Variants in ODF2 observed in about 807,000 individuals in gnomAD.
ODF2 encodes outer dense fiber protein 2.
ODF2 carries 47 observed loss-of-function variants against 110.2 expected under a neutral mutation model. The ratio of observed to expected loss-of-function variants is 0.43; its 90% CI spans 0.34 to 0.54. ODF2 has a LOEUF of 0.54. Among genes scored for constraint, ODF2 ranks in the 20% least tolerant of loss-of-function variants. ODF2 has a pLI of 0.03. For missense variants in ODF2, 812 were observed against 1,054.5 expected (o/e 0.77, Z 3.19); for synonymous variants, 352 against 397.7 (o/e 0.89, Z 1.37).
Position 128,485,560 on chromosome 9 carries a change from C to A in ODF2, c.1400+86C>A. ...GAGGGGCCTAGTGGCTCAGGGAAGGCCACGTGGCTGCTGTTTGTACTCTCC... is the reference window on the plus strand; with the variant it reads ...GAGGGGCCTAGTGGCTCAGGGAAGGACACGTGGCTGCTGTTTGTACTCTCC... On this transcript the variant is annotated intron_variant, in intron 13 of 20. Transcript: ENST00000604420. The surrounding 1 kb of genome is among the most constrained non-coding windows in gnomAD (Gnocchi z 5.0). 3 of 717,376 alleles carry A rather than the reference C, an allele frequency of 4.2e-6. No individual in the cohort carries two copies. The highest frequency in any genetic ancestry group is 7.5e-6 in the Non-Finnish European group (3 of 401,278). 44.4% of individuals were successfully genotyped at this position (717,376 alleles called of 1,614,324 possible).
chr9:128,496,789 G>A (rs1413432492), intron 18 of ODF2, among the ~76,000 whole-genome samples: 2 of 152,136 alleles, frequency 1.3e-5, no homozygotes, highest in East Asian at 1.9e-4. Flanking sequence ...GTGCAGTGGT[G>A]CAATCTCAGC....
chr9:128,484,920 C>T (rs886127191), intron 12 of ODF2, 34 bp downstream of exon 12: 10 of 1,604,186 alleles, frequency 6.2e-6, no homozygotes, highest in African/African-American at 1.3e-5. Context: ...TCCTCACCTG[C>T]CCTGAGGAGG....
intron 18 of ODF2, chr9:128,498,150 A>C (rs1026352219): frequency 3.1e-6 from 1 of 318,592 alleles, no homozygotes; most frequent in Non-Finnish European, 5.7e-6. Context: ...GCTGTGTTCC[A>C]TGTGATGCTA....
chr9:128,478,210 C>T (rs903088444), intron 8 of ODF2, among the ~76,000 whole-genome samples: 1 of 152,156 alleles, frequency 6.6e-6, no homozygotes, highest in Non-Finnish European at 1.5e-5. Flanking sequence ...GTTGGCCAGG[C>T]TGGTCTTGAA....
rs765570464 is a variant in ODF2, at chr9:128,460,535, T to A, written c.124-407T>A. ...CAGATCAACCATTTTTGTGTTGTCC[T>A]CCCCCACCTGCCAGAAGCCAACCAT... On this transcript the variant is annotated intron_variant, in intron 3 of 20. Transcript: ENST00000604420. 2 of 1,612,308 alleles carry A rather than the reference T, an allele frequency of 1.2e-6. No individual in the cohort carries two copies. The highest frequency in any genetic ancestry group is 2.7e-5 in the African/African-American group (2 of 74,742).
chr9:128,489,947 T>C (rs1405730458), intron 14 of ODF2, among the ~76,000 whole-genome samples: 1 of 152,222 alleles, frequency 6.6e-6, no homozygotes. Flanking sequence ...TAGCTTGGTA[T>C]TGAGTGTCTT....
Position 128,496,119 on chromosome 9 carries a change from C to G in ODF2, c.1990C>G (p.Leu664Val), listed in dbSNP as rs1845526915. ...CCAGAAGGAAAATAAACAGCTGAGT[C>G]TGAAGGTGGATGAACTGGAGAGGTT... The change falls in exon 18 of 21, where the codon CTG (leucine) becomes GTG (valine). Residue 664 changes from leucine to valine, a missense_variant. By Grantham distance (32) the Leu-to-Val change is conservative. Transcript: ENST00000604420. 1.2e-6 allele frequency: 2 copies of G among 1,613,940 alleles called. No individual in the cohort carries two copies. The highest frequency in any genetic ancestry group is 1.7e-6 in the Non-Finnish European group (2 of 1,180,010).
rs56716979 is a variant in ODF2 at position 128,496,714 on chromosome 9, TTATCTATC to T, written c.2012+594_2012+601del. On this transcript the variant is annotated intron_variant, in intron 18 of 20. Transcript: ENST00000604420. ...TTTGAGGAAAGGGTCAAGGTAGAGT[TTATCTATC>T]TATCTATCTATCTATCTATCATCTA... Among the ~76,000 whole-genome samples the T allele has an allele frequency of 1.4e-3, 214 of 149,470 alleles. 1 individual carries two copies. Among genetic ancestry groups the T allele is most frequent in the Non-Finnish European group, 2.7e-3 (179 of 67,090 alleles).
chr9:128,456,192 C>A, exon 1 of ODF2: 1 of 1,548,602 alleles, frequency 6.5e-7, no homozygotes, highest in African/African-American at 1.4e-5. Context: ...CATGGCACGA[C>A]CCTGGCCTCC....
chr9:128,495,627 G>A (rs1845441304), intron 17 of ODF2, among the ~76,000 whole-genome samples: 1 of 152,150 alleles, frequency 6.6e-6, no homozygotes, highest in South Asian at 2.1e-4. Context: ...TGTCTTGCCT[G>A]CACTTGTCCC....
chr9:128,462,668 C>T (rs1172083424), intron 4 of ODF2, among the ~76,000 whole-genome samples: 3 of 151,032 alleles, frequency 2.0e-5, no homozygotes, highest in Non-Finnish European at 4.4e-5. Flanking sequence ...GGTGCAATCT[C>T]GGCCCACTGC....
At chr9:128,477,508 C>T (rs1051153902) in intron 8 of ODF2, among the ~76,000 whole-genome samples, 3 of 152,034 alleles carry the variant, frequency 2.0e-5, no homozygotes, top group African/African-American at 7.2e-5. Flanking sequence ...GAGATTGTGT[C>T]ACTCACTCAG....
At chr9:128,458,143 C>T (rs1835426876) in intron 2 of ODF2, among the ~76,000 whole-genome samples, 1 of 151,704 alleles carries the variant, frequency 6.6e-6, no homozygotes, top group Admixed American at 6.6e-5. Context: ...TCGCTCCAGC[C>T]TCTCTGATCT....
chr9:128,490,149 G>A (rs1844244349), intron 14 of ODF2, among the ~76,000 whole-genome samples: 1 of 152,144 alleles, frequency 6.6e-6, no homozygotes, highest in African/African-American at 2.4e-5. Context: ...GGCAACCCCA[G>A]CAAGACCCCA....
intron 1 of ODF2, chr9:128,456,792 G>T: frequency 8.0e-7 from 1 of 1,252,236 alleles, no homozygotes. Flanking sequence ...TCCCAGCCCG[G>T]CGTCTATCCT....
Position 128,460,246 on chromosome 9 carries a change from G to C in ODF2, c.123+589G>C, listed in dbSNP as rs576124643. 7.3e-5 allele frequency: 97 copies of C among 1,336,626 alleles called. No homozygotes were observed. In the African/African-American group the frequency reaches 1.4e-3, roughly 19 times the overall value. 82.8% of individuals were successfully genotyped at this position (1,336,626 alleles called of 1,614,324 possible). ...GCTGTGCATTCCAGCAGGTTTAGAG[G>C]AGATCCAGCCCTAAGAACCCTGGGG... is the stretch of plus-strand genomic sequence containing the variant. On this transcript the variant is annotated intron_variant, in intron 3 of 20. Coordinates refer to ENST00000604420, the Ensembl canonical transcript of ODF2.
At position 128,473,713 on chromosome 9, in the gene ODF2, A is replaced by G; in HGVS notation, c.815A>G (p.Asp272Gly). The G allele has an allele frequency of 2.5e-6, 4 of 1,612,448 alleles. No individual in the cohort carries two copies. The highest frequency in any genetic ancestry group is 2.5e-6 in the Non-Finnish European group (3 of 1,179,578). Residue 272 changes from aspartate to glycine, a missense_variant, in exon 8 of 21, where the codon GAC becomes GGC. Transcript: ENST00000604420. ...GAGGAGACCAACCGCACCCTCCGAG[A>G]CCTCCTGAGGGAACAGCACTGCAAA...
chr9:128,484,030 C>T, exon 11 of ODF2: 9 of 1,612,458 alleles, frequency 5.6e-6, no homozygotes, highest in Non-Finnish European at 7.6e-6. Flanking sequence ...AGGCTGAGAA[C>T]AGTCGCCTGT....
chr9:128,489,124 G>A (rs1251164145), intron 14 of ODF2, among the ~76,000 whole-genome samples: 1 of 152,166 alleles, frequency 6.6e-6, no homozygotes, highest in Non-Finnish European at 1.5e-5. Context: ...AGTCTGACTC[G>A]AGCCCTAGCT....
Sources: allele counts gnomAD v4.1 joint callset (sites outside exome capture counted in the v4.1 genomes callset), GRCh38; gene constraint gnomAD v4.1.1; non-coding constraint Gnocchi (gnomAD v3.1); transcripts MANE v1.5; gene names NCBI Gene and HGNC (gene_info 2026-07-23, HGNC 2026-07-21).